The following LRRC37A variants were observed in gnomAD, a reference collection of about 807,000 sequenced individuals.
LRRC37A encodes the protein leucine rich repeat containing 37A.
LRRC37A carries 3 observed loss-of-function variants against 35.4 expected under a neutral mutation model. That is an observed-to-expected ratio of 0.08 (90% CI 0.04 to 0.22). The LOEUF (loss-of-function observed/expected upper bound fraction) is 0.22, where lower values mean the gene tolerates loss of function less well. LRRC37A is among the 10% of genes least tolerant of loss of function. The probability of loss-of-function intolerance (pLI) is 1.00; values close to 1 mark genes in which losing one functional copy is unlikely to be tolerated. For missense variants in LRRC37A, 67 were observed against 565.3 expected, an observed-to-expected ratio of 0.12 and a Z score of 8.94; for synonymous variants, 23 against 215.0, an observed-to-expected ratio of 0.11 and a Z score of 7.81.
chr17:46,271,870 T>C, the LRRC37A span, among the ~76,000 whole-genome samples: 2 of 152,206 alleles, frequency 1.3e-5, no homozygotes, highest in Non-Finnish European at 1.5e-5. Context: ...CAAGCCATCC[T>C]CCCACCTCAG....
the LRRC37A span, among the ~76,000 whole-genome samples, chr17:46,278,281 T>C: frequency 6.6e-6 from 1 of 152,240 alleles, no homozygotes; most frequent in Non-Finnish European, 1.5e-5. Context: ...TCTTGTTTTA[T>C]CAACTTTCAT....
the LRRC37A span, among the ~76,000 whole-genome samples, chr17:46,254,267 T>A: frequency 6.7e-6 from 1 of 149,036 alleles, no homozygotes; most frequent in Non-Finnish European, 1.5e-5. Flanking sequence ...ATGAAGAATT[T>A]TTGCTTTCCT....
At chr17:46,281,644 G>C in the LRRC37A span, among the ~76,000 whole-genome samples, 1 of 152,124 alleles carries the variant, frequency 6.6e-6, no homozygotes, top group Non-Finnish European at 1.5e-5. Flanking sequence ...TGGTAAGGTT[G>C]GGAATTTTTT....
the LRRC37A span, among the ~76,000 whole-genome samples, chr17:46,283,915 T>G: frequency 6.6e-6 from 1 of 152,356 alleles, no homozygotes; most frequent in East Asian, 1.9e-4. Flanking sequence ...AAGAATTAAG[T>G]GCTGTGCTTT....
the LRRC37A span, among the ~76,000 whole-genome samples, chr17:46,258,943 C>T: frequency 6.7e-6 from 1 of 149,402 alleles, no homozygotes; most frequent in African/African-American, 2.5e-5. Context: ...TGGTCTCGAT[C>T]TCCTGACCTC....
chr17:46,267,756 A>G, the LRRC37A span, among the ~76,000 whole-genome samples: 1 of 152,178 alleles, frequency 6.6e-6, no homozygotes, highest in East Asian at 1.9e-4. Context: ...GGCTGTCAAT[A>G]AATAGATGTT....
the LRRC37A span, among the ~76,000 whole-genome samples, chr17:46,250,871 CCTCTTCCTCTTCCTT>C: frequency 1.6e-3 from 241 of 152,182 alleles, no homozygotes; most frequent in African/African-American, 5.5e-3. Flanking sequence ...TCCCCTTTCT[CCTCTTCCTCTTCCTT>C]CTCTTCCTCT....
chr17:46,312,744 C>T (rs1399023754), intron 5 of LRRC37A, among the ~76,000 whole-genome samples: 1 of 68,570 alleles, frequency 1.5e-5, no homozygotes, highest in Non-Finnish European at 2.9e-5. Flanking sequence ...ATATTTAAAG[C>T]CCTAGTTTGA....
chr17:46,317,134 C>A (rs1204835833), intron 5 of LRRC37A, among the ~76,000 whole-genome samples: 1 of 89,152 alleles, frequency 1.1e-5, no homozygotes, highest in Non-Finnish European at 3.3e-5. Context: ...GGGTACACCT[C>A]CCAGATGGGG....
the LRRC37A span, among the ~76,000 whole-genome samples, chr17:46,270,646 C>G: frequency 6.6e-6 from 1 of 152,248 alleles, no homozygotes; most frequent in Non-Finnish European, 1.5e-5. Context: ...CTGTGACTCA[C>G]ACCTGTAATC....
chr17:46,287,397 A>C, the LRRC37A span, among the ~76,000 whole-genome samples: 1 of 152,258 alleles, frequency 6.6e-6, no homozygotes, highest in Non-Finnish European at 1.5e-5. Flanking sequence ...AGGTTTAAAA[A>C]TGTATCTCAC....
At chr17:46,251,400 G>A in the LRRC37A span, among the ~76,000 whole-genome samples, 1 of 151,854 alleles carries the variant, frequency 6.6e-6, no homozygotes, top group African/African-American at 2.4e-5. Context: ...CTGGGATTAT[G>A]GGCATGCACC....
the LRRC37A span, among the ~76,000 whole-genome samples, chr17:46,269,532 C>G: frequency 6.6e-6 from 1 of 152,182 alleles, no homozygotes; most frequent in African/African-American, 2.4e-5. Context: ...CAAAAACAAA[C>G]AAAGTGTACA....
chr17:46,316,632 T>A lies in LRRC37A; in HGVS notation c.2907-5690T>A, dbSNP rs569868203. On this transcript the variant is annotated intron_variant, in intron 5 of 13. Transcript: ENST00000320254. ...GTTTTTGTTTTTTTTAATTTTTTTT[T>A]ATTGATCATTCTTGGGTGTTTCTCG... Among the ~76,000 whole-genome samples the A allele has an allele frequency of 3.1e-3, 229 of 73,978 alleles. 45 individuals carry two copies. The highest frequency in any genetic ancestry group is 7.4e-3 in the African/African-American group (210 of 28,402). 48.5% of individuals were successfully genotyped at this position (73,978 alleles called of 152,430 possible).
chr17:46,265,897 G>A, the LRRC37A span, among the ~76,000 whole-genome samples: 1 of 152,348 alleles, frequency 6.6e-6, no homozygotes, highest in East Asian at 1.9e-4. Flanking sequence ...GGGCGTTTGA[G>A]ACCAGCCTGG....
the LRRC37A span, chr17:46,275,417 A>T: frequency 1.0e-6 from 1 of 963,994 alleles, no homozygotes; most frequent in African/African-American, 1.8e-5. Flanking sequence ...TTGTTGTGAG[A>T]CCTACAGAGT....
chr17:46,324,269 T>TAA (rs1420883299), intron 7 of LRRC37A, among the ~76,000 whole-genome samples: 1 of 61,672 alleles, frequency 1.6e-5, no homozygotes, highest in Non-Finnish European at 4.4e-5. Context: ...GGACTCTGTC[T>TAA]AAAAAAAAAA....
the LRRC37A span, among the ~76,000 whole-genome samples, chr17:46,264,835 C>T: frequency 6.6e-6 from 1 of 152,242 alleles, no homozygotes; most frequent in Non-Finnish European, 1.5e-5. Context: ...GCATTCACAA[C>T]ATTCCTGCAA....
the LRRC37A span, among the ~76,000 whole-genome samples, chr17:46,277,436 C>T: frequency 6.6e-6 from 1 of 152,124 alleles, no homozygotes; most frequent in Admixed American, 6.5e-5. Flanking sequence ...ACAGTTACCA[C>T]CAAAGGCCTT....
Sources: gnomAD v4.1 joint callset for allele counts (sites outside exome capture counted in the v4.1 genomes callset) on GRCh38, gnomAD v4.1.1 for gene constraint, MANE v1.5 for transcripts, NCBI Gene and HGNC (gene_info 2026-07-23, HGNC 2026-07-21) for gene names.